The following SLC17A9 variants were observed in gnomAD, a reference collection of about 807,000 sequenced individuals.
The protein encoded by SLC17A9 is voltage-gated purine nucleotide uniporter SLC17A9.
Under a neutral mutation model 55.0 loss-of-function variants are expected in SLC17A9, and 49 were observed. That is an observed-to-expected ratio of 0.89 (90% CI 0.71 to 1.13). The LOEUF is 1.13. SLC17A9 is among the 50% of genes most tolerant of loss of function. The pLI is 0.00. For synonymous variants in SLC17A9, 256 were observed against 247.4 expected (o/e 1.03, Z -0.32); for missense variants, 526 against 569.3 (o/e 0.92, Z 0.77).
intron 7 of SLC17A9, 101 bp from the exon 8 acceptor site, chr20:62,964,127 G>A: frequency 8.5e-7 from 1 of 1,183,328 alleles, no homozygotes. Context: ...GAGCTTTCCT[G>A]GGCAGTGGTG....
Position 62,958,678 on chromosome 20 carries a change from C to T in SLC17A9, c.397+1098C>T, listed in dbSNP as rs986190394. ...CCATGGCTCCCCTAGAACCTCTGCC[C>T]TCCCTCTCCTCCAAGTCCAGAGACT... On this transcript the variant is annotated intron_variant, in intron 3 of 12. Transcript: ENST00000370351. The surrounding 1 kb of genome is among the most constrained non-coding windows in gnomAD (Gnocchi z 4.1). Among the ~76,000 whole-genome samples, 36 of 152,206 alleles carry T rather than the reference C, an allele frequency of 2.4e-4. No individual in the cohort carries two copies. The highest frequency in any genetic ancestry group is 8.4e-4 in the African/African-American group (35 of 41,466).
Position 62,967,610 on chromosome 20 carries a change from A to G in SLC17A9, c.*110A>G. ...CATGTCAGACACACGAGCAGAGAGGAACACAAACCACTGTGGAGCCTGAAG... is the reference window on the plus strand; with the variant it reads ...CATGTCAGACACACGAGCAGAGAGGGACACAAACCACTGTGGAGCCTGAAG... On this transcript the variant is annotated 3_prime_UTR_variant, in exon 13 of 13. Transcript: ENST00000370351. 8.2e-7 allele frequency: 1 copy of G among 1,215,468 alleles called. No individual in the cohort carries two copies. The highest frequency in any genetic ancestry group is 1.1e-6 in the Non-Finnish European group (1 of 890,616). The allele number at this position is 1,215,468 out of a possible 1,614,324, so 75.3% of individuals were successfully genotyped here.
intron 10 of SLC17A9, among the ~76,000 whole-genome samples, chr20:62,966,077 G>A (rs1341844376): frequency 3.9e-5 from 5 of 129,324 alleles, no homozygotes; most frequent in Non-Finnish European, 6.7e-5. Flanking sequence ...GTTGGGGCTC[G>A]GGTTGGCGTG....
In SLC17A9 at chr20:62,965,114, C is replaced by T. The variant is rs1003410551; in HGVS notation, c.911-18C>T. ...CGAAAGGGCTAACGGGAGCCCCTTC[C>T]TTGGCCTCCCCCTGTAGGTTACAGA... On this transcript the variant is annotated intron_variant, in intron 8 of 12. Transcript: ENST00000370351. The T allele has an allele frequency of 3.1e-6, 5 of 1,613,924 alleles. No individual in the cohort carries two copies. Among genetic ancestry groups the T allele is most frequent in the Non-Finnish European group, 4.2e-6 (5 of 1,179,938 alleles).
intron 3 of SLC17A9, 145 bp from the exon 4 acceptor site, chr20:62,960,359 C>A: frequency 1.4e-6 from 1 of 719,838 alleles, no homozygotes; most frequent in Non-Finnish European, 2.3e-6. Context: ...GCACCAAAAG[C>A]CCTGCCCTGC....
At chr20:62,956,212 C>T (rs1224487335) in intron 1 of SLC17A9, among the ~76,000 whole-genome samples, 5 of 152,188 alleles carry the variant, frequency 3.3e-5, no homozygotes, top group African/African-American at 7.2e-5. Context: ...GGTCTTTTCT[C>T]CCGTGGGAAG....
Position 62,952,777 on chromosome 20 carries a change from G to A in SLC17A9, c.-54G>A. ...TGCCCGGGTGGGTCAGCCTGGGCTGGGAGGCAGCCCCGGGACACAGCTGTG... is the reference window on the plus strand; with the variant it reads ...TGCCCGGGTGGGTCAGCCTGGGCTGAGAGGCAGCCCCGGGACACAGCTGTG... On this transcript the variant is annotated 5_prime_UTR_variant, in exon 1 of 13. Coordinates refer to ENST00000370351, the MANE Select transcript of SLC17A9 (RefSeq NM_022082.4). The A allele has an allele frequency of 6.6e-7, 1 of 1,519,332 alleles. No homozygotes were observed. The highest frequency in any genetic ancestry group is 8.8e-7 in the Non-Finnish European group (1 of 1,134,760). 94.1% of individuals were successfully genotyped at this position (1,519,332 alleles called of 1,614,324 possible).
At position 62,962,557 on chromosome 20, in the gene SLC17A9, T is replaced by A; in HGVS notation, c.498-67T>A. 1 of 1,568,544 alleles carries A rather than the reference T, an allele frequency of 6.4e-7. No individual in the cohort carries two copies. The highest frequency in any genetic ancestry group is 8.6e-7 in the Non-Finnish European group (1 of 1,159,490). On this transcript the variant is annotated intron_variant, in intron 4 of 12. Coordinates refer to ENST00000370351, the MANE Select transcript of SLC17A9 (RefSeq NM_022082.4). This position sits in a 1 kb window ranked among gnomAD's most constrained non-coding sequence, Gnocchi z 5.5. The stretch of plus-strand genomic sequence containing the variant: ...TCAGCCTGCACCAGGGTGGGGTTTC[T>A]GAGAGGCCCCTCCTCACCCGAGGGG...
In SLC17A9 at chr20:62,957,023, G is replaced by T. The variant is rs1206085724; in HGVS notation, c.257+61G>T. 12 of 1,603,668 alleles carry T rather than the reference G, an allele frequency of 7.5e-6. No homozygotes were observed. The African/African-American group carries it at 1.3e-4, about 18-fold the overall frequency. ...GGGCCGCCCCACTGGGGCCTCCAGG[G>T]GCGAGTGGGCTGGCTGTGCTGCTGC... On this transcript the variant is annotated intron_variant, in intron 2 of 12. Transcript: ENST00000370351.
At chr20:62,959,937 CT>C (rs2065574894) in intron 3 of SLC17A9, among the ~76,000 whole-genome samples, 1 of 152,212 alleles carries the variant, frequency 6.6e-6, no homozygotes, top group Non-Finnish European at 1.5e-5. Flanking sequence ...TTCCAAACTT[CT>C]AAAGCGGCTG....
In SLC17A9 at chr20:62,956,803, G is replaced by A. The variant is rs764889721; in HGVS notation, c.98G>A (p.Gly33Asp). Residue 33 changes from glycine (G) to aspartate (D), a missense_variant, in exon 2 of 13, where the codon GGC becomes GAC. Physicochemically the swap from Gly to Asp is moderately conservative, Grantham distance 94. Coordinates refer to ENST00000370351, the MANE Select transcript of SLC17A9 (RefSeq NM_022082.4). ...CQAWTGTLLL[G>D]TCLLYCARSS... Reference sequence around the variant, plus strand: ...GCATGGACGGGGACGCTGCTGCTGGGCACATGCCTTCTGTACTGCGCCCGC... The same window carrying A: ...GCATGGACGGGGACGCTGCTGCTGGACACATGCCTTCTGTACTGCGCCCGC... 14 of 1,612,662 alleles carry A rather than the reference G, an allele frequency of 8.7e-6. No individual in the cohort carries two copies. The highest frequency in any genetic ancestry group is 2.2e-5 in the East Asian group (1 of 44,868).
Position 62,957,469 on chromosome 20 carries a change from T to C in SLC17A9, c.286T>C (p.Ser96Pro). ...TGGGGGTGAGAAGGTCATCCTGCTG[T>C]CAGCCTCTGCCTGGGGCTCCATCAC... is the stretch of plus-strand genomic sequence containing the variant. ...RIGGEKVILL[S>P]ASAWGSITAV... is the part of the protein sequence containing the mutation. The change falls in exon 3 of 13, where the codon TCA (serine) becomes CCA (proline). Residue 96 changes from serine to proline, a missense_variant. Coordinates refer to ENST00000370351, the MANE Select transcript of SLC17A9 (RefSeq NM_022082.4). The C allele has an allele frequency of 6.2e-7, 1 of 1,606,396 alleles. No homozygotes were observed. Among genetic ancestry groups the C allele is most frequent in the East Asian group, 2.3e-5 (1 of 44,358 alleles).
chr20:62,967,111 C>G (rs2065647732), intron 12 of SLC17A9: 2 of 597,574 alleles, frequency 3.3e-6, no homozygotes, highest in East Asian at 2.9e-5. Flanking sequence ...GGACTTGTTA[C>G]CAGGCCATTT....
In SLC17A9 at chr20:62,962,454, C is replaced by A; in HGVS notation, c.498-170C>A. 1 of 778,192 alleles carries A rather than the reference C, an allele frequency of 1.3e-6. No homozygotes were observed. The highest frequency in any genetic ancestry group is 1.9e-6 in the Non-Finnish European group (1 of 517,482). The allele number at this position is 778,192 out of a possible 1,614,324, so 48.2% of individuals were successfully genotyped here. The stretch of plus-strand genomic sequence containing the variant: ...GGAGTCTCCCCTGAGTACCCGAAGT[C>A]CTTAACAAAACAGGCCAGGACGGTG... On this transcript the variant is annotated intron_variant, in intron 4 of 12. Transcript: ENST00000370351. This position sits in a 1 kb window ranked among gnomAD's most constrained non-coding sequence, Gnocchi z 5.5.
At chr20:62,954,354 C>T (rs2093045) in intron 1 of SLC17A9, among the ~76,000 whole-genome samples, 84,338 of 152,080 alleles carry the variant, frequency 0.55, 25,465 homozygotes, top group East Asian at 0.67. Flanking sequence ...CCACACTCTC[C>T]GGTTTGCTGC....
At chr20:62,960,366 C>T (rs2065578870) in intron 3 of SLC17A9, 138 bp from the exon 4 acceptor site, 1 of 759,624 alleles carries the variant, frequency 1.3e-6, no homozygotes, top group African/African-American at 1.7e-5. Context: ...AAGCCCTGCC[C>T]TGCTGGTCCC....
In SLC17A9 at chr20:62,966,737, G is replaced by A. The variant is rs1253987544; in HGVS notation, c.1147+5G>A. The A allele has an allele frequency of 1.2e-6, 2 of 1,609,608 alleles. No individual in the cohort carries two copies. Among genetic ancestry groups the A allele is most frequent in the Non-Finnish European group, 1.7e-6 (2 of 1,178,846 alleles). On this transcript the variant is annotated splice_donor_5th_base_variant and intron_variant, in intron 12 of 12. Transcript: ENST00000370351. The stretch of plus-strand genomic sequence containing the variant: ...ACACAGCCGGGGCCTTGGCAGGTGA[G>A]GGGCGGGCCTCTGTGCCCAGGAGTT...
At chr20:62,957,362 T>C in intron 2 of SLC17A9, 79 bp from the exon 3 acceptor site, 1 of 1,513,208 alleles carries the variant, frequency 6.6e-7, no homozygotes, top group Non-Finnish European at 8.8e-7. Context: ...GAGCACCCAC[T>C]CAAGGGCTGC....
rs76777447 is a variant in SLC17A9, at chr20:62,958,875, G to A, written c.397+1295G>A. ...GGTGTCACATGAGAACAAGGGCCCA[G>A]TGCATGGCCCACCCTCAGAAGAGGG... On this transcript the variant is annotated intron_variant, in intron 3 of 12. Coordinates refer to ENST00000370351, the MANE Select transcript of SLC17A9 (RefSeq NM_022082.4). The surrounding 1 kb of genome is among the most constrained non-coding windows in gnomAD (Gnocchi z 4.1). Among the ~76,000 whole-genome samples the A allele has an allele frequency of 3.9e-5, 6 of 152,318 alleles. No homozygotes were observed. In the East Asian group the frequency reaches 1.2e-3, roughly 29 times the overall value.
Sources: allele counts gnomAD v4.1 joint callset (sites outside exome capture counted in the v4.1 genomes callset), GRCh38; gene constraint gnomAD v4.1.1; non-coding constraint Gnocchi (gnomAD v3.1); transcripts MANE v1.5; gene names NCBI Gene and HGNC (gene_info 2026-07-23, HGNC 2026-07-21).